Variants in PCNX2 observed in about 807,000 individuals in gnomAD.
PCNX2 encodes pecanex 2, also known as pecanex-like protein 2.
A neutral mutation model predicts 223.8 loss-of-function variants in PCNX2; 168 were observed. The observed-to-expected ratio is 0.75, with a 90% confidence interval of 0.66 to 0.85. PCNX2 has a LOEUF of 0.85. Ranked by LOEUF, PCNX2 falls within the 40% of genes least tolerant of loss-of-function variation. The pLI, the probability that PCNX2 is intolerant of heterozygous loss-of-function variation, is 0.00. For synonymous variants in PCNX2, 1,006 were observed against 1,052.6 expected, an observed-to-expected ratio of 0.96 and a Z score of 0.86; for missense variants, 2,507 against 2,675.5, an observed-to-expected ratio of 0.94 and a Z score of 1.39.
chr1:233,241,864 G>C (rs1658789716), intron 8 of PCNX2, among the ~76,000 whole-genome samples: 1 of 152,078 alleles, frequency 6.6e-6, no homozygotes, highest in South Asian at 2.1e-4. Context: ...GCTATTCCAA[G>C]TCAGAGTGTC....
chr1:233,164,028 A>T (rs951267611), intron 17 of PCNX2, among the ~76,000 whole-genome samples: 2 of 152,218 alleles, frequency 1.3e-5, no homozygotes, highest in African/African-American at 4.8e-5. Flanking sequence ...TTCCCTGGAC[A>T]TGTTATTTCT....
At chr1:233,169,443 G>A (rs1368312437) in intron 17 of PCNX2, among the ~76,000 whole-genome samples, 1 of 151,640 alleles carries the variant, frequency 6.6e-6, no homozygotes, top group East Asian at 2.0e-4. Flanking sequence ...TCAGGAGATC[G>A]AGACCATCCT....
intron 26 of PCNX2, chr1:233,018,820 G>A (rs1394255025): frequency 1.0e-6 from 1 of 985,294 alleles, no homozygotes. Flanking sequence ...AAGGAGGCAG[G>A]GATGTGTGCT....
intron 9 of PCNX2, chr1:233,233,056 G>C: frequency 1.0e-6 from 1 of 982,558 alleles, no homozygotes; most frequent in Admixed American, 6.2e-5. Flanking sequence ...GCTGCCCTTG[G>C]GTAGACTGCA....
At chr1:233,270,784 G>A (rs1660600457) in intron 1 of PCNX2, among the ~76,000 whole-genome samples, 1 of 152,098 alleles carries the variant, frequency 6.6e-6, no homozygotes, top group Admixed American at 6.5e-5. Flanking sequence ...AGAAATTGAT[G>A]ATAGAGAGGT....
chr1:232,986,289 C>T lies in PCNX2; in HGVS notation c.6043G>A (p.Ala2015Thr), dbSNP rs1184856417. ...GAGCCCAGGCTGGACCTGATGAGCG[C>T]CTCGGCCCGCTCACGGACACTCAGG... ...GHLSVRERAE[A>T]LIRSSLGSST... Residue 2015 changes from alanine to threonine, a missense_variant, in exon 33 of 34, where the codon GCG (alanine) becomes ACG (threonine). Physicochemically the swap from Ala to Thr is moderately conservative, Grantham distance 58. Coordinates refer to ENST00000258229, the MANE Select transcript of PCNX2 (RefSeq NM_014801.4). 6.4e-6 allele frequency: 10 copies of T among 1,565,508 alleles called. No homozygotes were observed. Among genetic ancestry groups the T allele is most frequent in the Non-Finnish European group, 8.7e-6 (10 of 1,155,808 alleles).
chr1:233,193,783 A>C (rs1680554494), intron 15 of PCNX2, among the ~76,000 whole-genome samples: 1 of 152,192 alleles, frequency 6.6e-6, no homozygotes, highest in Non-Finnish European at 1.5e-5. Flanking sequence ...TTCTTTCGTG[A>C]GTTTATCATC....
At chr1:233,192,248 T>C (rs945409318) in intron 15 of PCNX2, among the ~76,000 whole-genome samples, 2 of 152,194 alleles carry the variant, frequency 1.3e-5, no homozygotes, top group African/African-American at 4.8e-5. Flanking sequence ...TAAAAAATGA[T>C]AGGACATGAT....
At chr1:233,271,133 T>C (rs947162676) in intron 1 of PCNX2, among the ~76,000 whole-genome samples, 1 of 152,124 alleles carries the variant, frequency 6.6e-6, no homozygotes, top group African/African-American at 2.4e-5. Context: ...AATCAATAAG[T>C]TTATACAAGA....
At position 233,001,830 on chromosome 1, in the gene PCNX2, C is replaced by T. The variant is rs1670099278; in HGVS notation, c.4953-149G>A. 4.1e-6 allele frequency: 3 copies of T among 740,716 alleles called. 1 individual carries two copies. The Middle Eastern group carries it at 1.2e-3, about 293-fold the overall frequency. The allele number at this position is 740,716 out of a possible 1,614,324, so 45.9% of individuals were successfully genotyped here. On this transcript the variant is annotated intron_variant, in intron 28 of 33. Transcript: ENST00000258229. This position sits in a 1 kb window ranked among gnomAD's most constrained non-coding sequence, Gnocchi z 4.2. Reference sequence around the variant, plus strand: ...AGATAACAGGACTCATCCCAGTGCACCTAGTGCCTACCCCTACAGCCCATG... The same window carrying T: ...AGATAACAGGACTCATCCCAGTGCATCTAGTGCCTACCCCTACAGCCCATG...
rs1659591034 is a variant in PCNX2, at chr1:233,253,933, C to T, written c.1835-1145G>A. Among the ~76,000 whole-genome samples, 1 of 152,152 alleles carries T rather than the reference C, an allele frequency of 6.6e-6. No homozygotes were observed. The highest frequency in any genetic ancestry group is 6.5e-5 in the Admixed American group (1 of 15,274). On this transcript the variant is annotated intron_variant, in intron 5 of 33. Coordinates refer to ENST00000258229, the MANE Select transcript of PCNX2 (RefSeq NM_014801.4). The surrounding 1 kb of genome is among the most constrained non-coding windows in gnomAD (Gnocchi z 4.2). The stretch of plus-strand genomic sequence containing the variant: ...AAGATCAAAAGGACCATTGTACTCC[C>T]ATGACTTACTCTGAGTAAATGATTG...
intron 32 of PCNX2, among the ~76,000 whole-genome samples, chr1:232,997,555 C>T (rs1170265400): frequency 6.6e-6 from 1 of 152,222 alleles, no homozygotes; most frequent in African/African-American, 2.4e-5. Context: ...GCAGAGCATC[C>T]ATCTCTTTCA....
chr1:232,983,588 T>C lies in PCNX2; in HGVS notation c.*716A>G, dbSNP rs1669341148. ...GCCTGGACTACAGTGAGGAGCATTG[T>C]GTGACTCCGCGGTGGATTTCCATGC... is the stretch of plus-strand genomic sequence containing the variant. On this transcript the variant is annotated 3_prime_UTR_variant, in exon 34 of 34. Coordinates refer to ENST00000258229, the MANE Select transcript of PCNX2 (RefSeq NM_014801.4). 1.3e-5 allele frequency: 2 copies of C among 152,230 alleles called. No homozygotes were observed. The highest frequency in any genetic ancestry group is 6.5e-5 in the Admixed American group (1 of 15,278). 9.4% of individuals were successfully genotyped at this position (152,230 alleles called of 1,614,324 possible).
chr1:233,174,363 G>GA (rs925966521), intron 17 of PCNX2, among the ~76,000 whole-genome samples: 23 of 147,294 alleles, frequency 1.6e-4, no homozygotes, highest in African/African-American at 5.4e-4. Flanking sequence ...GCTGCAAAGA[G>GA]AAAAAAATGA....
chr1:233,099,265 C>T (rs1168573436), intron 21 of PCNX2, among the ~76,000 whole-genome samples: 2 of 152,148 alleles, frequency 1.3e-5, no homozygotes, highest in African/African-American at 2.4e-5. Context: ...GAAAGGTCCC[C>T]TTTATCCAAG....
intron 5 of PCNX2, among the ~76,000 whole-genome samples, chr1:233,254,702 CT>C (rs565430023): frequency 0.011 from 1,510 of 141,756 alleles, 7 homozygotes; most frequent in South Asian, 0.024. Flanking sequence ...GATATACGCA[CT>C]TTTTTTTTTT....
chr1:233,275,423 G>A (rs879308492), intron 1 of PCNX2, among the ~76,000 whole-genome samples: 4 of 151,844 alleles, frequency 2.6e-5, no homozygotes, highest in Non-Finnish European at 4.4e-5. Flanking sequence ...GACTGGTCTC[G>A]AACTCCTGAC....
chr1:233,205,638 G>C (rs1681399817), intron 13 of PCNX2, among the ~76,000 whole-genome samples: 1 of 151,986 alleles, frequency 6.6e-6, no homozygotes, highest in Non-Finnish European at 1.5e-5. Flanking sequence ...AGAGGTTGCA[G>C]TGAACCTAGA....
At chr1:233,145,735 T>C (rs996236455) in intron 19 of PCNX2, among the ~76,000 whole-genome samples, 1 of 152,166 alleles carries the variant, frequency 6.6e-6, no homozygotes, top group Non-Finnish European at 1.5e-5. Context: ...TCTCAGTACA[T>C]GGTAACAGTA....
Sources: allele counts gnomAD v4.1 joint callset (sites outside exome capture counted in the v4.1 genomes callset), GRCh38; gene constraint gnomAD v4.1.1; non-coding constraint Gnocchi (gnomAD v3.1); transcripts MANE v1.5; gene names NCBI Gene and HGNC (gene_info 2026-07-23, HGNC 2026-07-21).